The following FBXL7 variants were observed in gnomAD, a reference collection of about 807,000 sequenced individuals.
FBXL7 encodes F-box/LRR-repeat protein 7.
Under a neutral mutation model 38.3 loss-of-function variants are expected in FBXL7, and 12 were observed. The observed-to-expected ratio is 0.31, with a 90% CI of 0.20 to 0.51. The LOEUF (loss-of-function observed/expected upper bound fraction) is 0.51. Ranked by LOEUF, FBXL7 falls within the 20% of genes least tolerant of loss-of-function variation. The probability of loss-of-function intolerance (pLI) is 0.98; values close to 1 mark genes in which losing one functional copy is unlikely to be tolerated. For synonymous variants in FBXL7, 297 were observed against 300.9 expected, an observed-to-expected ratio of 0.99 and a Z score of 0.13; for missense variants, 567 against 676.4, an observed-to-expected ratio of 0.84 and a Z score of 1.79.
At chr5:15,774,718 T>C (rs1410490591) in intron 2 of FBXL7, among the ~76,000 whole-genome samples, 2 of 152,250 alleles carry the variant, frequency 1.3e-5, no homozygotes, top group Admixed American at 6.5e-5. Context: ...AGTTTAATAA[T>C]GGCACAAACT....
intron 2 of FBXL7, among the ~76,000 whole-genome samples, chr5:15,775,291 G>A (rs151270290): frequency 6.6e-6 from 1 of 152,184 alleles, no homozygotes; most frequent in African/African-American, 2.4e-5. Flanking sequence ...ACTACCTAAT[G>A]TAATTTATTA....
intron 1 of FBXL7, among the ~76,000 whole-genome samples, chr5:15,576,113 GC>G (rs1738959227): frequency 1.3e-5 from 1 of 74,522 alleles, no homozygotes; most frequent in Non-Finnish European, 2.4e-5. Flanking sequence ...ATGGAGTTTT[GC>G]TCTTGTTGCC....
chr5:15,786,837 A>G (rs1737144497), intron 2 of FBXL7, among the ~76,000 whole-genome samples: 1 of 152,242 alleles, frequency 6.6e-6, no homozygotes, highest in Non-Finnish European at 1.5e-5. Context: ...TCTCATCACC[A>G]GAATCCATGA....
intron 1 of FBXL7, among the ~76,000 whole-genome samples, chr5:15,612,830 G>A (rs1740298262): frequency 1.3e-5 from 2 of 152,092 alleles, no homozygotes; most frequent in Admixed American, 1.3e-4. Flanking sequence ...GCCGGGAGTG[G>A]GCACGTGCAT....
Position 15,859,195 on chromosome 5 carries a change from G to A in FBXL7, c.128-68695G>A, listed in dbSNP as rs1462763408. On this transcript the variant is annotated intron_variant, in intron 2 of 3. Transcript: ENST00000504595. ...CTGTGTCCACCAGGATTGGAGCCAA[G>A]AGAGAAAGTGAACTGGGCCCAGGCT... Among the ~76,000 whole-genome samples the A allele has an allele frequency of 2.0e-5, 3 of 152,154 alleles. No individual in the cohort carries two copies. In the East Asian group the frequency reaches 5.8e-4, roughly 29 times the overall value.
chr5:15,692,527 G>T (rs1743215448), intron 2 of FBXL7, among the ~76,000 whole-genome samples: 1 of 152,098 alleles, frequency 6.6e-6, no homozygotes. Context: ...GCACTGTTAA[G>T]CCTGTTCTCC....
At chr5:15,825,273 T>C (rs752669115) in intron 2 of FBXL7, among the ~76,000 whole-genome samples, 2 of 152,178 alleles carry the variant, frequency 1.3e-5, no homozygotes, top group Non-Finnish European at 2.9e-5. Flanking sequence ...TAGTCACTCT[T>C]ATTCCTATAT....
chr5:15,777,578 A>G (rs564277888), intron 2 of FBXL7, among the ~76,000 whole-genome samples: 78 of 152,008 alleles, frequency 5.1e-4, no homozygotes, highest in Admixed American at 2.2e-3. Context: ...TATTATCCAC[A>G]TGGCGCAGTT....
chr5:15,574,834 T>C (rs1738903308), intron 1 of FBXL7, among the ~76,000 whole-genome samples: 1 of 152,292 alleles, frequency 6.6e-6, no homozygotes, highest in African/African-American at 2.4e-5. Flanking sequence ...TTATGGAAAG[T>C]AAGAAAACAA....
At chr5:15,829,004 AG>A (rs1245662013) in intron 2 of FBXL7, among the ~76,000 whole-genome samples, 2 of 152,222 alleles carry the variant, frequency 1.3e-5, no homozygotes, top group African/African-American at 4.8e-5. Context: ...GCATGCAAAA[AG>A]ATCAGTGTTA....
intron 2 of FBXL7, among the ~76,000 whole-genome samples, chr5:15,749,592 A>G (rs966797383): frequency 1.1e-4 from 17 of 152,058 alleles, no homozygotes; most frequent in African/African-American, 3.9e-4. Flanking sequence ...GCGCCACTGC[A>G]CTCCAGCCTG....
intron 1 of FBXL7, among the ~76,000 whole-genome samples, chr5:15,593,799 A>G (rs1045306792): frequency 3.3e-5 from 5 of 152,130 alleles, no homozygotes; most frequent in African/African-American, 9.7e-5. Context: ...TTGGCAACTC[A>G]CTATGGATGG....
intron 2 of FBXL7, among the ~76,000 whole-genome samples, chr5:15,808,029 A>G (rs416952): frequency 0.57 from 87,107 of 151,980 alleles, 25,496 homozygotes; most frequent in Non-Finnish European, 0.64. Flanking sequence ...ACCGTAGACC[A>G]GGATTTGGCA....
intron 2 of FBXL7, among the ~76,000 whole-genome samples, chr5:15,637,589 T>C (rs1741227644): frequency 6.6e-6 from 1 of 152,238 alleles, no homozygotes; most frequent in Non-Finnish European, 1.5e-5. Flanking sequence ...TAGCAACAGC[T>C]AACCATTCTA....
intron 2 of FBXL7, among the ~76,000 whole-genome samples, chr5:15,750,961 CAT>C (rs1736139950): frequency 6.6e-6 from 1 of 152,178 alleles, no homozygotes; most frequent in Admixed American, 6.5e-5. Context: ...ACCTACATGA[CAT>C]AAATTATTGA....
rs528391039 is a variant in FBXL7, at chr5:15,773,083, G to A, written c.128-154807G>A. On this transcript the variant is annotated intron_variant, in intron 2 of 3. Transcript: ENST00000504595. The stretch of plus-strand genomic sequence containing the variant: ...ATTTTTTTTAAAAGCTTTTGTAGAG[G>A]CAAGGTCTTGCTATGTTGCCAAGGC... Among the ~76,000 whole-genome samples, 8 of 152,026 alleles carry A rather than the reference G, an allele frequency of 5.3e-5. No homozygotes were observed. In the East Asian group the frequency reaches 7.8e-4, roughly 15 times the overall value.
chr5:15,706,667 A>C (rs1346721794), intron 2 of FBXL7, among the ~76,000 whole-genome samples: 2 of 152,170 alleles, frequency 1.3e-5, no homozygotes, highest in Non-Finnish European at 2.9e-5. Context: ...AAATGAAAGG[A>C]TTTGCTGTTG....
At chr5:15,902,980 A>G (rs987908433) in intron 2 of FBXL7, among the ~76,000 whole-genome samples, 2 of 152,222 alleles carry the variant, frequency 1.3e-5, no homozygotes, top group African/African-American at 4.8e-5. Flanking sequence ...TGGGCTCCAG[A>G]GCTCTTCTGC....
intron 2 of FBXL7, among the ~76,000 whole-genome samples, chr5:15,733,863 C>A (rs953972787): frequency 6.6e-6 from 1 of 152,158 alleles, no homozygotes; most frequent in South Asian, 2.1e-4. Context: ...AATCCCAGCA[C>A]GTTGGGAGGC....
Sources: allele counts gnomAD v4.1 joint callset (sites outside exome capture counted in the v4.1 genomes callset), GRCh38; gene constraint gnomAD v4.1.1; transcripts MANE v1.5; gene names NCBI Gene and HGNC (gene_info 2026-07-23, HGNC 2026-07-21).